The following TASP1 variants were observed in gnomAD, a reference collection of about 807,000 sequenced individuals.
TASP1 encodes the protein threonine aspartase 1.
A neutral mutation model predicts 56.6 loss-of-function variants in TASP1; 16 were observed. The observed-to-expected ratio is 0.28, with a 90% CI of 0.19 to 0.43. The LOEUF is 0.43. Among genes scored for constraint, TASP1 ranks in the 20% least tolerant of loss-of-function variants. TASP1 has a pLI of 1.00. For missense variants in TASP1, 393 were observed against 511.6 expected (o/e 0.77, Z 2.24); for synonymous variants, 179 against 184.2 (o/e 0.97, Z 0.23).
At chr20:13,406,727 T>C (rs2041938044) in intron 13 of TASP1, among the ~76,000 whole-genome samples, 1 of 149,770 alleles carries the variant, frequency 6.7e-6, no homozygotes, top group Non-Finnish European at 1.5e-5. Context: ...AGTGCAGTGG[T>C]GTGATCTCTG....
intron 12 of TASP1, among the ~76,000 whole-genome samples, chr20:13,420,554 A>G (rs901417442): frequency 6.6e-6 from 1 of 152,220 alleles, no homozygotes; most frequent in Non-Finnish European, 1.5e-5. Context: ...CTCAGAAGAA[A>G]TTGTCTAGAA....
At chr20:13,182,529 T>C in the TASP1 span, among the ~76,000 whole-genome samples, 1 of 152,156 alleles carries the variant, frequency 6.6e-6, no homozygotes, top group African/African-American at 2.4e-5. Context: ...TATCCTGGAA[T>C]ACCCTCAACC....
At chr20:13,502,978 T>C (rs995934480) in intron 10 of TASP1, among the ~76,000 whole-genome samples, 1 of 152,136 alleles carries the variant, frequency 6.6e-6, no homozygotes, top group Admixed American at 6.5e-5. Flanking sequence ...ACAATTTCTC[T>C]CACAATGGAA....
Position 13,572,670 on chromosome 20 carries a change from A to G in TASP1, c.489-3084T>C, listed in dbSNP as rs780682721. On this transcript the variant is annotated intron_variant, in intron 6 of 13. Transcript: ENST00000337743. ...CACTGCACTCCAGTCTAGGTGACAG[A>G]GTGAGACTCCATCTCAAAAAAAAAA... is the stretch of plus-strand genomic sequence containing the variant. Among the ~76,000 whole-genome samples the G allele has an allele frequency of 8.9e-5, 11 of 123,094 alleles. No individual in the cohort carries two copies. In the Admixed American group the frequency reaches 1.1e-3, roughly 12 times the overall value. 80.8% of individuals were successfully genotyped at this position (123,094 alleles called of 152,430 possible).
the TASP1 span, among the ~76,000 whole-genome samples, chr20:13,294,561 C>G: frequency 1.3e-5 from 2 of 152,302 alleles, no homozygotes; most frequent in African/African-American, 4.8e-5. Flanking sequence ...CTAAGGACAC[C>G]AGAGCTGAGT....
chr20:13,197,126 A>T, the TASP1 span, among the ~76,000 whole-genome samples: 30 of 152,318 alleles, frequency 2.0e-4, no homozygotes, highest in African/African-American at 7.0e-4. Context: ...ATCCCCCTGG[A>T]GGCAGGGGTG....
chr20:13,262,909 G>A, the TASP1 span, among the ~76,000 whole-genome samples: 5 of 152,122 alleles, frequency 3.3e-5, no homozygotes, highest in Admixed American at 6.5e-5. Context: ...AGTAAACATC[G>A]TTATGATACA....
chr20:13,491,102 A>C (rs1029201977), intron 10 of TASP1, among the ~76,000 whole-genome samples: 1 of 152,196 alleles, frequency 6.6e-6, no homozygotes, highest in Non-Finnish European at 1.5e-5. Context: ...TTGTAATTCT[A>C]AATGAAGGCT....
chr20:13,278,544 G>C, the TASP1 span, among the ~76,000 whole-genome samples: 3 of 152,180 alleles, frequency 2.0e-5, no homozygotes, highest in African/African-American at 7.2e-5. Flanking sequence ...CAAAGTTAGG[G>C]ACAGCATGGG....
intron 11 of TASP1, among the ~76,000 whole-genome samples, chr20:13,470,751 T>G (rs1164395207): frequency 6.6e-6 from 1 of 152,156 alleles, no homozygotes; most frequent in Non-Finnish European, 1.5e-5. Flanking sequence ...GTCCCCTTCT[T>G]CATCATTTCT....
chr20:13,211,020 T>G, the TASP1 span, among the ~76,000 whole-genome samples: 2 of 150,010 alleles, frequency 1.3e-5, no homozygotes, highest in African/African-American at 4.9e-5. Flanking sequence ...ATTAAGATTA[T>G]TATCTAATTA....
At chr20:13,507,390 G>A (rs572922003) in intron 10 of TASP1, among the ~76,000 whole-genome samples, 66 of 152,018 alleles carry the variant, frequency 4.3e-4, no homozygotes, top group African/African-American at 1.4e-3. Context: ...AATAATATCC[G>A]GGCATGGTGG....
the TASP1 span, among the ~76,000 whole-genome samples, chr20:13,141,254 A>T: frequency 1.3e-5 from 2 of 152,226 alleles, no homozygotes; most frequent in Non-Finnish European, 2.9e-5. Flanking sequence ...TGCAAGCTAC[A>T]CTATCCATTC....
At chr20:13,484,518 C>T (rs1243108477) in intron 10 of TASP1, among the ~76,000 whole-genome samples, 1 of 152,020 alleles carries the variant, frequency 6.6e-6, no homozygotes, top group Non-Finnish European at 1.5e-5. Context: ...GTGGACCCAC[C>T]TGAGGTCAGG....
the TASP1 span, chr20:13,153,863 A>C: frequency 1.4e-5 from 15 of 1,102,096 alleles, no homozygotes; most frequent in Admixed American, 6.4e-5. Flanking sequence ...TCCCCAGGAG[A>C]TATCTCCCTT....
At chr20:13,206,621 G>A in the TASP1 span, among the ~76,000 whole-genome samples, 3 of 152,000 alleles carry the variant, frequency 2.0e-5, no homozygotes, top group East Asian at 3.9e-4. Context: ...GATTCCTTCC[G>A]TCTATTGAGG....
the TASP1 span, among the ~76,000 whole-genome samples, chr20:13,313,428 GTTCAAATAAGGTAA>G: frequency 6.6e-6 from 1 of 152,166 alleles, no homozygotes; most frequent in Non-Finnish European, 1.5e-5. Flanking sequence ...TTCAAACCCT[GTTCAAATAAGGTAA>G]ACACGGAGCC....
At chr20:13,622,368 C>G (rs1396786807) in intron 4 of TASP1, among the ~76,000 whole-genome samples, 1 of 152,192 alleles carries the variant, frequency 6.6e-6, no homozygotes, top group Non-Finnish European at 1.5e-5. Flanking sequence ...GGGCATCACA[C>G]ATCCCCATGT....
intron 4 of TASP1, among the ~76,000 whole-genome samples, chr20:13,589,058 T>G (rs998100988): frequency 5.4e-5 from 7 of 129,072 alleles, no homozygotes; most frequent in Admixed American, 2.3e-4. Context: ...CTTTCGTGGG[T>G]TTTTTTTTTT....
Sources: allele counts gnomAD v4.1 joint callset (sites outside exome capture counted in the v4.1 genomes callset), GRCh38; gene constraint gnomAD v4.1.1; transcripts MANE v1.5; gene names NCBI Gene and HGNC (gene_info 2026-07-23, HGNC 2026-07-21).